Variants in PTPRB observed in about 807,000 individuals in gnomAD.
PTPRB encodes the protein protein tyrosine phosphatase receptor type B, also known as receptor-type tyrosine-protein phosphatase beta.
PTPRB carries 97 observed loss-of-function variants against 238.1 expected under a neutral mutation model. The ratio of observed to expected loss-of-function variants is 0.41; its 90% CI spans 0.35 to 0.48. The LOEUF (loss-of-function observed/expected upper bound fraction) is 0.48, where lower values mean the gene tolerates loss of function less well. Ranked by LOEUF, PTPRB falls within the 20% of genes least tolerant of loss-of-function variation. The probability of loss-of-function intolerance (pLI) is 0.30; values close to 1 mark genes in which losing one functional copy is unlikely to be tolerated. For synonymous variants in PTPRB, 970 were observed against 995.4 expected, an observed-to-expected ratio of 0.97 and a Z score of 0.48; for missense variants, 2,292 against 2,681.9, an observed-to-expected ratio of 0.85 and a Z score of 3.21.
intron 7 of PTPRB, among the ~76,000 whole-genome samples, chr12:70,591,559 TG>T (rs1329968725): frequency 1.3e-5 from 2 of 152,256 alleles, no homozygotes; most frequent in African/African-American, 4.8e-5. Context: ...ATTATTAAAA[TG>T]TACTATTTTT....
chr12:70,559,689 T>C (rs968305026), intron 17 of PTPRB, 65 bp from the exon 18 acceptor site: 20 of 1,430,842 alleles, frequency 1.4e-5, no homozygotes, highest in Admixed American at 1.9e-5. Flanking sequence ...ACAAATAAGA[T>C]AGCTGAGCAA....
At chr12:70,621,553 T>G (rs1884934979) in intron 3 of PTPRB, among the ~76,000 whole-genome samples, 1 of 152,218 alleles carries the variant, frequency 6.6e-6, no homozygotes, top group Non-Finnish European at 1.5e-5. Context: ...ATGCACTGGC[T>G]ATATTTGTTT....
intron 18 of PTPRB, among the ~76,000 whole-genome samples, chr12:70,556,728 A>G (rs567657250): frequency 6.6e-6 from 1 of 152,256 alleles, no homozygotes; most frequent in Non-Finnish European, 1.5e-5. Flanking sequence ...TTCACACTAC[A>G]GAAAATCAAA....
In PTPRB at chr12:70,581,100, G is replaced by C; in HGVS notation, c.2514C>G (p.Ser838=). 1 of 1,613,974 alleles carries C rather than the reference G, an allele frequency of 6.2e-7. No individual in the cohort carries two copies. Among genetic ancestry groups the C allele is most frequent in the Non-Finnish European group, 8.5e-7 (1 of 1,179,872 alleles). The change falls in exon 10 of 34, where the codon TCC becomes TCG. Residue 838 remains serine, a synonymous_variant. Coordinates refer to ENST00000334414, the MANE Select transcript of PTPRB (RefSeq NM_001109754.4). ...CTCCACTCACTGTTGTTACCACCAC[G>C]GAGTACAGGCTGCCGGACTTGAGAG... ...FHSLKSGSLY[S]VVVTTVSGGI...
rs771332348 is a variant in PTPRB, at chr12:70,575,580, C to T, written c.2842+802G>A. On this transcript the variant is annotated intron_variant, in intron 11 of 33. Transcript: ENST00000334414. ...AGTGCCTACTAAGCCCCAGGTCCTG[C>T]GCTAGGTAACAGGATAAGGACAATT... 2.0e-5 allele frequency among the ~76,000 whole-genome samples: 3 copies of T among 152,222 alleles called. No individual in the cohort carries two copies. In the East Asian group the frequency reaches 5.8e-4, roughly 29 times the overall value.
chr12:70,606,073 G>C (rs189571568), intron 4 of PTPRB, among the ~76,000 whole-genome samples: 13 of 152,250 alleles, frequency 8.5e-5, no homozygotes, highest in Admixed American at 7.2e-4. Flanking sequence ...TGTCCTCTAT[G>C]GTTATGAAAG....
At position 70,571,257 on chromosome 12, in the gene PTPRB, T is replaced by G; in HGVS notation, c.3139A>C (p.Asn1047His). 1.2e-6 allele frequency: 2 copies of G among 1,608,802 alleles called. No homozygotes were observed. The highest frequency in any genetic ancestry group is 1.7e-6 in the Non-Finnish European group (2 of 1,175,202). Residue 1047 changes from asparagine to histidine, a missense_variant, in exon 13 of 34, where the codon AAC becomes CAC. Asn to His is a moderately conservative substitution (Grantham distance 68). This residue lies in a region of PTPRB where 1,205 missense variants were observed against 1,287.8 expected (regional missense o/e 0.94). Coordinates refer to ENST00000334414, the MANE Select transcript of PTPRB (RefSeq NM_001109754.4). The stretch of plus-strand genomic sequence containing the variant: ...ACATGCAAGTCCTCAGTGCTCCTGT[T>G]GCGCAATGTTAGATCCTTAACAGGC... ...PEPVKDLTLR[N>H]RSTEDLHVTW...
intron 1 of PTPRB, among the ~76,000 whole-genome samples, chr12:70,636,675 C>T (rs1036757621): frequency 1.3e-5 from 2 of 152,178 alleles, no homozygotes; most frequent in African/African-American, 4.8e-5. Context: ...TTATCACAAA[C>T]TAAATTTCCT....
intron 33 of PTPRB, among the ~76,000 whole-genome samples, chr12:70,522,185 C>T (rs925805105): frequency 2.6e-5 from 4 of 152,090 alleles, no homozygotes; most frequent in African/African-American, 7.2e-5. Flanking sequence ...GGAGACACTA[C>T]CTGTTGAAGA....
chr12:70,634,522 C>T (rs929900485), intron 2 of PTPRB, among the ~76,000 whole-genome samples: 3 of 151,994 alleles, frequency 2.0e-5, no homozygotes, highest in Admixed American at 2.0e-4. Flanking sequence ...AAACGTGTGC[C>T]GTGGTGCTTT....
At chr12:70,553,118 T>C (rs2136300773) in intron 20 of PTPRB, 98 bp from the exon 21 acceptor site, 10 of 1,367,734 alleles carry the variant, frequency 7.3e-6, no homozygotes, top group Non-Finnish European at 1.0e-5. Flanking sequence ...CCACATCCAC[T>C]ATCTCTGGCC....
At chr12:70,554,903 T>C (rs1256072052) in intron 20 of PTPRB, among the ~76,000 whole-genome samples, 1 of 152,202 alleles carries the variant, frequency 6.6e-6, no homozygotes, top group Non-Finnish European at 1.5e-5. Flanking sequence ...TGGTTATTGT[T>C]ATTATCGTTG....
rs150277680 is a variant in PTPRB at position 70,527,957 on chromosome 12, C to T, written c.6505-3366G>A. ...GAGGCTTAAAGCAAGGCAGATGATACTAGGTTGATGCAAAAGTAATCACGG... is the reference window on the plus strand; with the variant it reads ...GAGGCTTAAAGCAAGGCAGATGATATTAGGTTGATGCAAAAGTAATCACGG... On this transcript the variant is annotated intron_variant, in intron 32 of 33. Transcript: ENST00000334414. Among the ~76,000 whole-genome samples the T allele has an allele frequency of 2.0e-5, 3 of 152,276 alleles. No individual in the cohort carries two copies. The East Asian group carries it at 5.8e-4, about 29-fold the overall frequency.
intron 6 of PTPRB, among the ~76,000 whole-genome samples, chr12:70,592,896 T>C (rs115728712): frequency 2.0e-5 from 3 of 152,172 alleles, no homozygotes; most frequent in African/African-American, 7.2e-5. Flanking sequence ...GTGTTTCTTA[T>C]TGGCAAATGA....
Position 70,587,140 on chromosome 12 carries a change from C to G in PTPRB, c.2178G>C (p.Leu726=), listed in dbSNP as rs1881997430. Residue 726 remains leucine (L), a synonymous_variant, in exon 9 of 34, where the codon CTG becomes CTC. Coordinates refer to ENST00000334414, the MANE Select transcript of PTPRB (RefSeq NM_001109754.4). ...CATCTTTGGAGAGTGACTTGTGGATCAGTAAGAGGTCTCTGTCAGCTAGGG... is the reference window on the plus strand; with the variant it reads ...CATCTTTGGAGAGTGACTTGTGGATGAGTAAGAGGTCTCTGTCAGCTAGGG... ...IISLADRDLL[L]IHKSLSKDAK... 1 of 1,613,888 alleles carries G rather than the reference C, an allele frequency of 6.2e-7. No homozygotes were observed. The highest frequency in any genetic ancestry group is 8.5e-7 in the Non-Finnish European group (1 of 1,179,862).
intron 32 of PTPRB, among the ~76,000 whole-genome samples, chr12:70,528,444 G>GACCCATTAGGAGGCT: frequency 6.6e-6 from 1 of 152,142 alleles, no homozygotes; most frequent in East Asian, 1.9e-4. Flanking sequence ...GGAGGCAGGA[G>GACCCATTAGGAGGCT]ACCCATTAGG....
Position 70,517,450 on chromosome 12 carries a change from T to C in PTPRB, c.*4039A>G, listed in dbSNP as rs1671805152. 1 of 152,198 alleles carries C rather than the reference T, an allele frequency of 6.6e-6. No homozygotes were observed. Among genetic ancestry groups the C allele is most frequent in the Non-Finnish European group, 1.5e-5 (1 of 68,038 alleles). 9.4% of individuals were successfully genotyped at this position (152,198 alleles called of 1,614,324 possible). ...ATTTTCCTTTGATAGGGAACATTCT[T>C]TGAATACCTGATGTAATTCTAAATT... On this transcript the variant is annotated 3_prime_UTR_variant, in exon 34 of 34. Coordinates refer to ENST00000334414, the MANE Select transcript of PTPRB (RefSeq NM_001109754.4).
chr12:70,522,860 T>C (rs1458098321), intron 33 of PTPRB, among the ~76,000 whole-genome samples: 3 of 116,464 alleles, frequency 2.6e-5, no homozygotes, highest in South Asian at 5.0e-4. Flanking sequence ...TTGTTTGTTT[T>C]TTCTTTTTTT....
chr12:70,516,725 A>G lies in PTPRB; in HGVS notation c.*4764T>C, dbSNP rs1337630364. On this transcript the variant is annotated 3_prime_UTR_variant, in exon 34 of 34. Coordinates refer to ENST00000334414, the MANE Select transcript of PTPRB (RefSeq NM_001109754.4). ...AAGGGACACATTGCATTTGTCTGAC[A>G]TTATTCACAGTTTTGAATAACTTAT... 1 of 152,208 alleles carries G rather than the reference A, an allele frequency of 6.6e-6. No individual in the cohort carries two copies. The highest frequency in any genetic ancestry group is 1.5e-5 in the Non-Finnish European group (1 of 68,032). 9.4% of individuals were successfully genotyped at this position (152,208 alleles called of 1,614,324 possible).
Sources: allele counts gnomAD v4.1 joint callset (sites outside exome capture counted in the v4.1 genomes callset), GRCh38; gene constraint gnomAD v4.1.1; regional missense constraint gnomAD v4.1.1; transcripts MANE v1.5; gene names NCBI Gene and HGNC (gene_info 2026-07-23, HGNC 2026-07-21).